Variants in HOMER1 observed in about 807,000 individuals in gnomAD.
HOMER1 encodes the protein homer scaffold protein 1.
In HOMER1, 3 loss-of-function variants were observed where a neutral mutation model predicts 48.9. That is an observed-to-expected ratio of 0.06 (90% confidence interval 0.03 to 0.16). HOMER1 has a LOEUF of 0.16. HOMER1 is among the 10% of genes least tolerant of loss of function. The pLI is 1.00. For missense variants in HOMER1, 247 were observed against 411.4 expected, an observed-to-expected ratio of 0.60 and a Z score of 3.46; for synonymous variants, 134 against 146.4, an observed-to-expected ratio of 0.92 and a Z score of 0.61.
At chr5:79,507,023 C>T (rs1752792713) in intron 1 of HOMER1, among the ~76,000 whole-genome samples, 4 of 151,626 alleles carry the variant, frequency 2.6e-5, no homozygotes, top group African/African-American at 7.3e-5. Context: ...ACCAGCCTGG[C>T]CAATACGGTG....
intron 1 of HOMER1, among the ~76,000 whole-genome samples, chr5:79,490,685 A>G (rs571890332): frequency 6.6e-6 from 1 of 151,466 alleles, no homozygotes; most frequent in African/African-American, 2.4e-5. Context: ...TAATCCCAGC[A>G]CTTTGGAAAG....
intron 1 of HOMER1, among the ~76,000 whole-genome samples, chr5:79,493,949 T>C (rs1016541184): frequency 4.6e-5 from 7 of 152,220 alleles, no homozygotes; most frequent in Non-Finnish European, 8.8e-5. Context: ...ATTTCCACCC[T>C]ACACTTCTCA....
At chr5:79,473,082 T>C (rs931728560) in intron 1 of HOMER1, among the ~76,000 whole-genome samples, 1 of 152,202 alleles carries the variant, frequency 6.6e-6, no homozygotes, top group Non-Finnish European at 1.5e-5. Flanking sequence ...AAGCCAATCA[T>C]CTAAAGCTAG....
At chr5:79,460,520 C>T (rs1751290672) in intron 1 of HOMER1, among the ~76,000 whole-genome samples, 1 of 151,990 alleles carries the variant, frequency 6.6e-6, no homozygotes, top group African/African-American at 2.4e-5. Context: ...ACTAAAGAAT[C>T]GCAAATATTA....
In HOMER1 at chr5:79,402,048, T is replaced by C; in HGVS notation, c.535A>G (p.Ile179Val). 1 of 1,612,658 alleles carries C rather than the reference T, an allele frequency of 6.2e-7. No homozygotes were observed. Among genetic ancestry groups the C allele is most frequent in the Non-Finnish European group, 8.5e-7 (1 of 1,179,824 alleles). Residue 179 changes from isoleucine to valine, a missense_variant, in exon 6 of 9, where the codon ATC (isoleucine) becomes GTC (valine). Physicochemically the swap from Ile to Val is conservative, Grantham distance 29. Coordinates refer to ENST00000334082, the MANE Select transcript of HOMER1 (RefSeq NM_004272.5). Reference sequence around the variant, plus strand: ...AGTTCAGCCTCCCAATGTTTGCTGATTGCTGAACTAAAATAAAACAAAAAG... The same window carrying C: ...AGTTCAGCCTCCCAATGTTTGCTGACTGCTGAACTAAAATAAAACAAAAAG... ...NALPFSHSSA[I>V]SKHWEAELAT...
Position 79,512,865 on chromosome 5 carries a change from C to T in HOMER1, c.-91G>A. The T allele has an allele frequency of 2.4e-6, 3 of 1,230,762 alleles. No individual in the cohort carries two copies. The highest frequency in any genetic ancestry group is 3.6e-6 in the Non-Finnish European group (3 of 833,448). 76.2% of individuals were successfully genotyped at this position (1,230,762 alleles called of 1,614,324 possible). A position where few individuals can be genotyped will look rare whatever the true frequency, so the allele number is the denominator to read the frequency against. On this transcript the variant is annotated 5_prime_UTR_variant, in exon 1 of 9. Coordinates refer to ENST00000334082, the MANE Select transcript of HOMER1 (RefSeq NM_004272.5). ...TTCTCCGTCTGCTATTTCGCAGTTG[C>T]TTTTCCACCCCCACCCCCAGATCCT...
chr5:79,410,150 A>G (rs1749777755), intron 5 of HOMER1, among the ~76,000 whole-genome samples: 1 of 152,184 alleles, frequency 6.6e-6, no homozygotes, highest in South Asian at 2.1e-4. Context: ...TGCTTCTTCT[A>G]TTTTATGAGC....
At chr5:79,419,450 T>C (rs1750036474) in intron 5 of HOMER1, among the ~76,000 whole-genome samples, 1 of 152,116 alleles carries the variant, frequency 6.6e-6, no homozygotes, top group African/African-American at 2.4e-5. Context: ...TTTTATCATA[T>C]ACATTATGGT....
At chr5:79,387,822 T>C (rs979611968) in intron 8 of HOMER1, among the ~76,000 whole-genome samples, 1 of 152,118 alleles carries the variant, frequency 6.6e-6, no homozygotes, top group African/African-American at 2.4e-5. Flanking sequence ...CAGTCCTCTA[T>C]CCTCCCCAAA....
intron 1 of HOMER1, among the ~76,000 whole-genome samples, chr5:79,468,990 C>G (rs1028837684): frequency 9.9e-5 from 15 of 152,134 alleles, no homozygotes; most frequent in Non-Finnish European, 1.5e-5. Context: ...TTGTTTAAAA[C>G]CTTATTTTAG....
At position 79,422,312 on chromosome 5, in the gene HOMER1, A is replaced by C. The variant is rs144712129; in HGVS notation, c.527+16698T>G. ...ATTTTCTTAAATAAATTAAATGCCT[A>C]CAGACTCAATACTCATTGAATTTCA... On this transcript the variant is annotated intron_variant, in intron 5 of 8. Transcript: ENST00000334082. 2.2e-3 allele frequency among the ~76,000 whole-genome samples: 334 copies of C among 152,318 alleles called. 1 individual carries two copies. Among genetic ancestry groups the C allele is most frequent in the African/African-American group, 7.6e-3 (316 of 41,568 alleles).
chr5:79,379,111 TATAA>T lies in HOMER1; in HGVS notation c.877-2918_877-2915del, dbSNP rs1368911243. The stretch of plus-strand genomic sequence containing the variant: ...ATATATATATATATATATATATATA[TATAA>T]AATATATAAATATTTATTTATATAT... On this transcript the variant is annotated intron_variant, in intron 8 of 8. Coordinates refer to ENST00000334082, the MANE Select transcript of HOMER1 (RefSeq NM_004272.5). Among the ~76,000 whole-genome samples, 208 of 94,692 alleles carry T rather than the reference TATAA, an allele frequency of 2.2e-3. 17 individuals carry two copies. The highest frequency in any genetic ancestry group is 4.7e-3 in the African/African-American group (105 of 22,198). The allele number at this position is 94,692 out of a possible 152,430, so 62.1% of individuals were successfully genotyped here. A position where few individuals can be genotyped will look rare whatever the true frequency, so the allele number is the denominator to read the frequency against.
chr5:79,488,511 C>CT (rs556120170), intron 1 of HOMER1, among the ~76,000 whole-genome samples: 318 of 152,286 alleles, frequency 2.1e-3, no homozygotes, highest in African/African-American at 6.9e-3. Flanking sequence ...TAAACCAGTT[C>CT]TTAAGAGCCC....
At chr5:79,447,536 A>T (rs1400107721) in intron 3 of HOMER1, among the ~76,000 whole-genome samples, 4 of 152,220 alleles carry the variant, frequency 2.6e-5, no homozygotes, top group Admixed American at 2.0e-4. Flanking sequence ...ATCCACTTGT[A>T]AACATCACAG....
In HOMER1 at chr5:79,494,042, G is replaced by A. The variant is rs144075935; in HGVS notation, c.5+18728C>T. On this transcript the variant is annotated intron_variant, in intron 1 of 8. Transcript: ENST00000334082. ...CTCATTTGATGTTTCTGGTACATGT[G>A]ATCCTGGCTACTACTCATTTCTTGA... is the stretch of plus-strand genomic sequence containing the variant. 4.6e-5 allele frequency among the ~76,000 whole-genome samples: 7 copies of A among 152,274 alleles called. No homozygotes were observed. The East Asian group carries it at 1.4e-3, about 29-fold the overall frequency.
chr5:79,378,222 C>CAAAAAAAAAAAAAAAAAAAAAAA (rs58802660), intron 8 of HOMER1, among the ~76,000 whole-genome samples: 38 of 85,576 alleles, frequency 4.4e-4, no homozygotes, highest in African/African-American at 1.1e-3. Flanking sequence ...GACTCTGTCT[C>CAAAAAAAAAAAAAAAAAAAAAAA]AAAAAAAAAA....
chr5:79,400,597 T>A (rs1191756551), intron 6 of HOMER1, among the ~76,000 whole-genome samples: 1 of 151,592 alleles, frequency 6.6e-6, no homozygotes, highest in South Asian at 2.1e-4. Flanking sequence ...GCTCAAGCAA[T>A]CCATCCTCCT....
chr5:79,428,299 T>G (rs1387487750), intron 5 of HOMER1, among the ~76,000 whole-genome samples: 2 of 152,168 alleles, frequency 1.3e-5, no homozygotes, highest in African/African-American at 4.8e-5. Flanking sequence ...TTCCTCACCC[T>G]GATAAAGAGC....
At chr5:79,411,090 G>A (rs1327144392) in intron 5 of HOMER1, among the ~76,000 whole-genome samples, 2 of 152,100 alleles carry the variant, frequency 1.3e-5, no homozygotes, top group African/African-American at 4.8e-5. Flanking sequence ...TGGACCAGCT[G>A]GTTTCCTGTT....
Sources: gnomAD v4.1 joint callset for allele counts (sites outside exome capture counted in the v4.1 genomes callset) on GRCh38, gnomAD v4.1.1 for gene constraint, MANE v1.5 for transcripts, NCBI Gene and HGNC (gene_info 2026-07-23, HGNC 2026-07-21) for gene names.